NSL1: variants seen among roughly 807,000 people sequenced by gnomAD.
NSL1 encodes NSL1 component of MIS12 kinetochore complex, also known as kinetochore-associated protein NSL1 homolog.
NSL1 carries 11 observed loss-of-function variants against 25.4 expected under a neutral mutation model. The observed-to-expected ratio is 0.43, with a 90% CI of 0.27 to 0.72. NSL1 has a LOEUF of 0.72. Ranked by LOEUF, NSL1 falls within the 30% of genes least tolerant of loss-of-function variation. The pLI, the probability that NSL1 is intolerant of heterozygous loss-of-function variation, is 0.19. For synonymous variants in NSL1, 118 were observed against 120.6 expected (o/e 0.98, Z 0.14); for missense variants, 330 against 342.7 (o/e 0.96, Z 0.29).
At chr1:212,765,834 C>G (rs781526862) in intron 4 of NSL1, among the ~76,000 whole-genome samples, 6 of 151,238 alleles carry the variant, frequency 4.0e-5, no homozygotes, top group Non-Finnish European at 8.9e-5. Flanking sequence ...AACAGCATCT[C>G]TTTATGATTA....
At chr1:212,781,715 C>T (rs1660740090) in intron 4 of NSL1, among the ~76,000 whole-genome samples, 1 of 152,066 alleles carries the variant, frequency 6.6e-6, no homozygotes, top group Admixed American at 6.6e-5. Context: ...ATTTTAAGTG[C>T]CAAAAGGAAA....
intron 4 of NSL1, 88 bp downstream of exon 4, chr1:212,782,274 AGAATATCCTT>A: frequency 1.2e-6 from 1 of 849,558 alleles, no homozygotes; most frequent in East Asian, 2.4e-5. Flanking sequence ...CATCAAAGGG[AGAATATCCTT>A]GATGCTGACC....
At chr1:212,790,537 C>G (rs1004094322) in intron 1 of NSL1, among the ~76,000 whole-genome samples, 55 of 152,130 alleles carry the variant, frequency 3.6e-4, no homozygotes, top group Non-Finnish European at 6.6e-4. Context: ...TTATAACAGG[C>G]ACCAATCTAC....
rs1024412223 is a variant in NSL1, at chr1:212,730,470, G to A, written c.*7938C>T. The A allele has an allele frequency of 5.1e-5, 50 of 985,220 alleles. No individual in the cohort carries two copies. The highest frequency in any genetic ancestry group is 5.8e-5 in the Non-Finnish European group (48 of 829,922). 61.0% of individuals were successfully genotyped at this position (985,220 alleles called of 1,614,324 possible). A position where few individuals can be genotyped will look rare whatever the true frequency, so the allele number is the denominator to read the frequency against. On this transcript the variant is annotated 3_prime_UTR_variant, in exon 6 of 6. Coordinates refer to ENST00000366977, the MANE Select transcript of NSL1 (RefSeq NM_015471.4). ...TAGGTATGAGCCCAAAGGCACTGGA[G>A]CCATTCTCTGAGTAAGGCTAGTCAA...
Position 212,727,183 on chromosome 1 carries a change from A to G in NSL1, c.*11225T>C, listed in dbSNP as rs1287030641. On this transcript the variant is annotated 3_prime_UTR_variant, in exon 6 of 6. Transcript: ENST00000366977. ...GCTAGTCCACCAGGCTTGGCTCCTAATGTGTTAAATGGGGGTGAATGGAAT... is the reference window on the plus strand; with the variant it reads ...GCTAGTCCACCAGGCTTGGCTCCTAGTGTGTTAAATGGGGGTGAATGGAAT... 2 of 1,556,584 alleles carry G rather than the reference A, an allele frequency of 1.3e-6. No individual in the cohort carries two copies. The highest frequency in any genetic ancestry group is 1.7e-6 in the Non-Finnish European group (2 of 1,151,250).
chr1:212,780,211 C>G (rs1267997412), intron 4 of NSL1, among the ~76,000 whole-genome samples: 3 of 151,748 alleles, frequency 2.0e-5, no homozygotes, highest in Non-Finnish European at 4.4e-5. Flanking sequence ...TACCCCCAAC[C>G]CTGTGCTCTC....
chr1:212,768,333 A>AC (rs1418141503), intron 4 of NSL1, among the ~76,000 whole-genome samples: 1 of 151,496 alleles, frequency 6.6e-6, no homozygotes, highest in Non-Finnish European at 1.5e-5. Flanking sequence ...AAAAAAAAAA[A>AC]AAAAAAAAAA....
At position 212,760,260 on chromosome 1, in the gene NSL1, AG is replaced by A. The variant is rs1480659262; in HGVS notation, c.500-20660del. Among the ~76,000 whole-genome samples, 1 of 151,850 alleles carries A rather than the reference AG, an allele frequency of 6.6e-6. No homozygotes were observed. Among genetic ancestry groups the A allele is most frequent in the Admixed American group, 6.6e-5 (1 of 15,264 alleles). The stretch of plus-strand genomic sequence containing the variant: ...GCCCTGCCCTGCCCACCACAACTTT[AG>A]GCACACCATCAGGAGGCTAAGATCA... On this transcript the variant is annotated intron_variant, in intron 4 of 5. Coordinates refer to ENST00000366977, the MANE Select transcript of NSL1 (RefSeq NM_015471.4). This position sits in a 1 kb window ranked among gnomAD's most constrained non-coding sequence, Gnocchi z 4.3.
At position 212,732,218 on chromosome 1, in the gene NSL1, C is replaced by CATCTCCTTTA. The variant is rs1658050446; in HGVS notation, c.*6180_*6189dup. 1 of 982,094 alleles carries CATCTCCTTTA rather than the reference C, an allele frequency of 1.0e-6. No homozygotes were observed. Among genetic ancestry groups the CATCTCCTTTA allele is most frequent in the Non-Finnish European group, 1.2e-6 (1 of 827,192 alleles). 60.8% of individuals were successfully genotyped at this position (982,094 alleles called of 1,614,324 possible). On this transcript the variant is annotated 3_prime_UTR_variant, in exon 6 of 6. Coordinates refer to ENST00000366977, the MANE Select transcript of NSL1 (RefSeq NM_015471.4). ...TGAACATCTTAATCATATTACAAAA[C>CATCTCCTTTA]ATCTCCTTTATACAATTTTCTGCAT...
intron 4 of NSL1, among the ~76,000 whole-genome samples, chr1:212,752,528 A>C (rs1659112539): frequency 6.7e-6 from 1 of 149,244 alleles, no homozygotes; most frequent in Non-Finnish European, 1.5e-5. Flanking sequence ...AGGACAGGGA[A>C]AAAAGGGATC....
intron 4 of NSL1, among the ~76,000 whole-genome samples, chr1:212,778,609 C>T (rs1300241256): frequency 1.8e-4 from 26 of 146,982 alleles, no homozygotes; most frequent in African/African-American, 2.0e-4. Flanking sequence ...CTGTGTTGGC[C>T]GGGCTGGTCT....
chr1:212,782,158 C>T, intron 4 of NSL1: 1 of 710,672 alleles, frequency 1.4e-6, no homozygotes, highest in Non-Finnish European at 2.6e-6. Context: ...TATAAAAGCT[C>T]AGATTCCGGG....
intron 4 of NSL1, among the ~76,000 whole-genome samples, chr1:212,755,236 C>G (rs1035879919): frequency 2.0e-5 from 3 of 151,140 alleles, no homozygotes; most frequent in Admixed American, 2.0e-4. Flanking sequence ...TAAGACATTG[C>G]AAAAGAAAAA....
At chr1:212,782,348 T>C in intron 4 of NSL1, 24 bp downstream of exon 4, 1 of 1,568,554 alleles carries the variant, frequency 6.4e-7, no homozygotes, top group Non-Finnish European at 8.8e-7. Context: ...GCTTCATTTT[T>C]ACCACAAATG....
At chr1:212,770,222 C>T (rs937650529) in intron 4 of NSL1, among the ~76,000 whole-genome samples, 5 of 151,950 alleles carry the variant, frequency 3.3e-5, no homozygotes, top group South Asian at 4.1e-4. Context: ...GAGAGAGACA[C>T]CAACACAATA....
chr1:212,730,420 C>T lies in NSL1; in HGVS notation c.*7988G>A, dbSNP rs1281076937. The T allele has an allele frequency of 2.0e-6, 2 of 984,984 alleles. No individual in the cohort carries two copies. The highest frequency in any genetic ancestry group is 2.3e-4 in the East Asian group (2 of 8,812). The allele number at this position is 984,984 out of a possible 1,614,324, so 61.0% of individuals were successfully genotyped here. Reference sequence around the variant, plus strand: ...GCCACAGAGCTACATGAATGGGCACCAAGGGAGGTCTTAAAATCTGCAACT... The same window carrying T: ...GCCACAGAGCTACATGAATGGGCACTAAGGGAGGTCTTAAAATCTGCAACT... On this transcript the variant is annotated 3_prime_UTR_variant, in exon 6 of 6. Transcript: ENST00000366977.
intron 4 of NSL1, among the ~76,000 whole-genome samples, chr1:212,750,383 C>T (rs1456763137): frequency 6.6e-6 from 1 of 151,828 alleles, no homozygotes; most frequent in Non-Finnish European, 1.5e-5. Flanking sequence ...GAGTAGAAAA[C>T]AGGAACCAGG....
intron 4 of NSL1, chr1:212,766,215 CA>C (rs1428069017): frequency 3.1e-6 from 2 of 648,516 alleles, no homozygotes; most frequent in Non-Finnish European, 5.6e-6. Context: ...CCATATATGA[CA>C]AATCCACAGC....
chr1:212,757,274 G>T (rs1356513302), intron 4 of NSL1, among the ~76,000 whole-genome samples: 1 of 152,114 alleles, frequency 6.6e-6, no homozygotes, highest in African/African-American at 2.4e-5. Flanking sequence ...ATCATTGAGG[G>T]CCTCTTAGAC....
Sources: gnomAD v4.1 joint callset for allele counts (sites outside exome capture counted in the v4.1 genomes callset) on GRCh38, gnomAD v4.1.1 for gene constraint, Gnocchi (gnomAD v3.1) non-coding constraint, MANE v1.5 for transcripts, NCBI Gene and HGNC (gene_info 2026-07-23, HGNC 2026-07-21) for gene names.